Variants in HECW1 observed in about 807,000 individuals in gnomAD.
The protein encoded by HECW1 is E3 ubiquitin-protein ligase HECW1.
In HECW1, 61 loss-of-function variants were observed where a neutral mutation model predicts 182.3. The ratio of observed to expected loss-of-function variants is 0.33; its 90% CI spans 0.27 to 0.41. The LOEUF (loss-of-function observed/expected upper bound fraction) is 0.41, where lower values mean the gene tolerates loss of function less well. Ranked by LOEUF, HECW1 falls within the 10% of genes least tolerant of loss-of-function variation. The pLI is 1.00. For missense variants in HECW1, 1,739 were observed against 2,108.9 expected (o/e 0.82, Z 3.44); for synonymous variants, 859 against 832.6 (o/e 1.03, Z -0.55).
rs1214039744 is a variant in HECW1 at position 43,444,406 on chromosome 7, C to G, written c.1234C>G (p.Leu412Val). 1 of 1,614,070 alleles carries G rather than the reference C, an allele frequency of 6.2e-7. No homozygotes were observed. The highest frequency in any genetic ancestry group is 1.7e-5 in the Admixed American group (1 of 60,034). Residue 412 changes from leucine (L) to valine (V), a missense_variant, in exon 11 of 30, where the codon CTT becomes GTT. Transcript: ENST00000395891. This position sits in a 1 kb window ranked among gnomAD's most constrained non-coding sequence, Gnocchi z 4.3. ...TGGTCCAGGGAACCAAAGCATAGAG[C>G]TTTCCAGACCAGCTGAGGAAGCAGC... ...PDGPGNQSIELSRPAEEAAVI... is the reference protein window; with the variant it reads ...PDGPGNQSIEVSRPAEEAAVI...
At chr7:43,162,570 A>G (rs557211296) in intron 2 of HECW1, among the ~76,000 whole-genome samples, 1 of 152,286 alleles carries the variant, frequency 6.6e-6, no homozygotes, top group East Asian at 1.9e-4. Flanking sequence ...TTACATATGC[A>G]CCCTTTTCCC....
intron 28 of HECW1, among the ~76,000 whole-genome samples, chr7:43,554,163 C>G (rs887404442): frequency 6.6e-6 from 1 of 152,180 alleles, no homozygotes; most frequent in South Asian, 2.1e-4. Context: ...CTGGTAAGTC[C>G]TAGACTCTCC....
chr7:43,342,662 G>T (rs1327534953), intron 5 of HECW1, among the ~76,000 whole-genome samples: 1 of 151,692 alleles, frequency 6.6e-6, no homozygotes, highest in African/African-American at 2.4e-5. Flanking sequence ...CTTGGGGTTT[G>T]AGGATATAGT....
chr7:43,366,102 C>CG (rs1816614668), intron 6 of HECW1, among the ~76,000 whole-genome samples: 1 of 138,314 alleles, frequency 7.2e-6, no homozygotes, highest in Non-Finnish European at 1.6e-5. Context: ...GACTGTCTCA[C>CG]AAAAAAAAAA....
chr7:43,407,513 G>T, intron 7 of HECW1, 49 bp from the exon 8 acceptor site: 1 of 1,431,850 alleles, frequency 7.0e-7, no homozygotes, highest in Non-Finnish European at 9.6e-7. Flanking sequence ...AATGCCAGTC[G>T]TTAACCTCCC....
chr7:43,467,609 G>A (rs2077836332), intron 15 of HECW1, among the ~76,000 whole-genome samples: 2 of 152,102 alleles, frequency 1.3e-5, no homozygotes, highest in Admixed American at 1.3e-4. Flanking sequence ...ACTGAGCTGA[G>A]GGGGTTAAGA....
At chr7:43,328,572 C>G (rs986520466) in intron 5 of HECW1, among the ~76,000 whole-genome samples, 1 of 152,152 alleles carries the variant, frequency 6.6e-6, no homozygotes, top group African/African-American at 2.4e-5. Flanking sequence ...AAGACGCAGG[C>G]GTGCAGTCAC....
intron 3 of HECW1, among the ~76,000 whole-genome samples, chr7:43,246,242 A>G (rs780255236): frequency 2.6e-5 from 4 of 152,154 alleles, no homozygotes; most frequent in Admixed American, 1.3e-4. Context: ...GTTCCAGGCT[A>G]CAGTGAGCTA....
rs740548 is a variant in HECW1 at position 43,116,325 on chromosome 7, C to A, written c.-32+1934C>A. Among the ~76,000 whole-genome samples the A allele has an allele frequency of 7.3e-3, 1,106 of 152,282 alleles. 6 individuals carry two copies. Among genetic ancestry groups the A allele is most frequent in the African/African-American group, 0.025 (1,044 of 41,544 alleles). ...GCTCTGGCCTTAGAAGGAAACATGG[C>A]CCAAGCACTTTAACCTCTAATCCAC... On this transcript the variant is annotated intron_variant, in intron 2 of 29. Transcript: ENST00000395891.
At chr7:43,428,929 TAGAC>T (rs900741228) in intron 8 of HECW1, among the ~76,000 whole-genome samples, 1 of 151,986 alleles carries the variant, frequency 6.6e-6, no homozygotes, top group African/African-American at 2.4e-5. Flanking sequence ...GATACAGACA[TAGAC>T]AGAATACATA....
chr7:43,409,156 C>A (rs2075713800), intron 8 of HECW1, among the ~76,000 whole-genome samples: 1 of 152,224 alleles, frequency 6.6e-6, no homozygotes, highest in African/African-American at 2.4e-5. Flanking sequence ...CTCTCCCAGG[C>A]TTCCCAGAAG....
chr7:43,381,450 T>C (rs1404854652), intron 6 of HECW1, among the ~76,000 whole-genome samples: 1 of 151,614 alleles, frequency 6.6e-6, no homozygotes, highest in Non-Finnish European at 1.5e-5. Context: ...GCCTCCTGAG[T>C]AGCTAGGACT....
At chr7:43,527,021 A>T (rs1382045294) in intron 24 of HECW1, among the ~76,000 whole-genome samples, 1 of 152,216 alleles carries the variant, frequency 6.6e-6, no homozygotes, top group Non-Finnish European at 1.5e-5. Context: ...TTGAGGCTAT[A>T]GCAGGTTTCA....
At chr7:43,481,974 CA>C (rs767419071) in intron 17 of HECW1, among the ~76,000 whole-genome samples, 2,097 of 81,762 alleles carry the variant, frequency 0.026, 39 homozygotes, top group African/African-American at 0.079. Flanking sequence ...GACTCCATCT[CA>C]AAAAAAAAAA....
chr7:43,245,520 C>T (rs571743841), intron 3 of HECW1: 36 of 152,310 alleles, frequency 2.4e-4, no homozygotes, highest in African/African-American at 7.9e-4. Context: ...CAGTCCTAGA[C>T]AATCTCAGCT....
chr7:43,301,888 A>AG (rs1449102834), intron 3 of HECW1, among the ~76,000 whole-genome samples: 6 of 151,810 alleles, frequency 4.0e-5, no homozygotes, highest in South Asian at 2.1e-4. Flanking sequence ...AAAAAAAAAA[A>AG]AAGAAGCAGG....
intron 2 of HECW1, among the ~76,000 whole-genome samples, chr7:43,234,885 A>C (rs1438044690): frequency 6.6e-6 from 1 of 152,202 alleles, no homozygotes; most frequent in African/African-American, 2.4e-5. Context: ...CCTCCACATG[A>C]GGCCCTGAAA....
intron 2 of HECW1, among the ~76,000 whole-genome samples, chr7:43,195,259 G>T (rs1794337290): frequency 6.6e-6 from 1 of 152,226 alleles, no homozygotes; most frequent in Non-Finnish European, 1.5e-5. Context: ...GTCTTAAAAG[G>T]GGAATATAAA....
At chr7:43,435,513 T>G (rs2076682670) in intron 8 of HECW1, among the ~76,000 whole-genome samples, 1 of 152,232 alleles carries the variant, frequency 6.6e-6, no homozygotes, top group Non-Finnish European at 1.5e-5. Context: ...TCGTTAGTTC[T>G]GTTTGTCAAA....
Sources: allele counts gnomAD v4.1 joint callset (sites outside exome capture counted in the v4.1 genomes callset), GRCh38; gene constraint gnomAD v4.1.1; non-coding constraint Gnocchi (gnomAD v3.1); transcripts MANE v1.5; gene names NCBI Gene and HGNC (gene_info 2026-07-23, HGNC 2026-07-21).